The following PITRM1 variants were observed in gnomAD, a reference collection of about 807,000 sequenced individuals.
PITRM1 encodes pitrilysin metallopeptidase 1.
PITRM1 carries 100 observed loss-of-function variants against 129.9 expected under a neutral mutation model. That is an observed-to-expected ratio of 0.77 (90% CI 0.65 to 0.91). The LOEUF (loss-of-function observed/expected upper bound fraction) is 0.91. Among genes scored for constraint, PITRM1 ranks in the 40% least tolerant of loss-of-function variants. The pLI is 0.00. For synonymous variants in PITRM1, 591 were observed against 508.8 expected, an observed-to-expected ratio of 1.16 and a Z score of -2.17; for missense variants, 1,471 against 1,318.3, an observed-to-expected ratio of 1.12 and a Z score of -1.79.
Position 3,151,329 on chromosome 10 carries a change from T to C in PITRM1, c.1656A>G (p.Gln552=), listed in dbSNP as rs754487987. The part of the protein sequence containing the change: ...LELRSQQSKP[Q]DASCLPALKV... ...TCAACGCTGGCAGACAAGAGGCATC[T>C]TGAGGTTTGCTTTGTTGACTCCGTA... Residue 552 remains glutamine (Q), a synonymous_variant, in exon 15 of 27, where the codon CAA becomes CAG. Transcript: ENST00000224949. 2 of 1,610,784 alleles carry C rather than the reference T, an allele frequency of 1.2e-6. No individual in the cohort carries two copies. Among genetic ancestry groups the C allele is most frequent in the Non-Finnish European group, 1.7e-6 (2 of 1,178,442 alleles).
intron 2 of PITRM1, 76 bp downstream of exon 2, chr10:3,170,028 G>A: frequency 9.2e-7 from 1 of 1,089,114 alleles, no homozygotes. Context: ...CCGCCCTGAA[G>A]GGCTCCGTAC....
intron 2 of PITRM1, among the ~76,000 whole-genome samples, chr10:3,168,708 C>T (rs1002698311): frequency 2.6e-5 from 4 of 152,196 alleles, no homozygotes; most frequent in Admixed American, 6.5e-5. Context: ...TGAAGAGATG[C>T]CTTCCACCAC....
chr10:3,142,436 G>C (rs1430641363), intron 23 of PITRM1, among the ~76,000 whole-genome samples: 1 of 152,222 alleles, frequency 6.6e-6, no homozygotes, highest in Non-Finnish European at 1.5e-5. Context: ...AGTCCCTCAT[G>C]GGGGTAGCTG....
At chr10:3,161,143 T>A (rs1014113867) in intron 7 of PITRM1, among the ~76,000 whole-genome samples, 1 of 152,186 alleles carries the variant, frequency 6.6e-6, no homozygotes. Context: ...CCTCCCATCT[T>A]GGCCTCCGTA....
chr10:3,155,769 A>G (rs1235616170), intron 13 of PITRM1, 40 bp from the exon 14 acceptor site: 1 of 1,609,310 alleles, frequency 6.2e-7, no homozygotes, highest in African/African-American at 1.3e-5. Flanking sequence ...AAGTGAAAAC[A>G]AGATCTTACT....
chr10:3,167,224 G>A (rs1588719374), intron 2 of PITRM1, among the ~76,000 whole-genome samples, 182 bp from the exon 3 acceptor site: 4 of 151,658 alleles, frequency 2.6e-5, no homozygotes, highest in Admixed American at 6.6e-5. Flanking sequence ...TACAAACAAG[G>A]AAAGACAGAC....
chr10:3,153,094 T>G (rs920301283), intron 14 of PITRM1, among the ~76,000 whole-genome samples: 1 of 152,230 alleles, frequency 6.6e-6, no homozygotes, highest in Admixed American at 6.5e-5. Flanking sequence ...CATGCACACT[T>G]GAAGACTTAC....
At chr10:3,164,695 TGAGAC>T (rs1185747769) in intron 6 of PITRM1, among the ~76,000 whole-genome samples, 2 of 152,236 alleles carry the variant, frequency 1.3e-5, no homozygotes, top group Non-Finnish European at 2.9e-5. Flanking sequence ...AAATTAAAGC[TGAGAC>T]ATTTAAAAAA....
rs1266993541 is a variant in PITRM1 at position 3,159,889 on chromosome 10, G to C, written c.966C>G (p.Pro322=). 6.2e-7 allele frequency: 1 copy of C among 1,605,984 alleles called. No homozygotes were observed. Among genetic ancestry groups the C allele is most frequent in the South Asian group, 1.1e-5 (1 of 89,084 alleles). Residue 322 remains proline, a synonymous_variant, in exon 9 of 27, where the codon CCC becomes CCG. Transcript: ENST00000224949. ...TAACGCTGATGGTTGTTTGTTTAGA[G>C]GGATCTGTAGCAAATGAATCCGGGC... is the stretch of plus-strand genomic sequence containing the variant. ...TCGPDSFATD[P]SKQTTISVSF... is the part of the protein sequence containing the mutation.
At position 3,166,375 on chromosome 10, in the gene PITRM1, T is replaced by TGCACACTAGGGAAGAGAGAGGAATG. The variant is rs1554801891; in HGVS notation, c.271_272insCATTCCTCTCTCTTCCCTAGTGTGC (p.Gln91ProfsTer7). The TGCACACTAGGGAAGAGAGAGGAATG allele has an allele frequency of 4.2e-6, 6 of 1,413,888 alleles. No individual in the cohort carries two copies. Among genetic ancestry groups the TGCACACTAGGGAAGAGAGAGGAATG allele is most frequent in the South Asian group, 2.4e-5 (2 of 84,926 alleles). 87.6% of individuals were successfully genotyped at this position (1,413,888 alleles called of 1,614,324 possible). ...ACTGTCCATGGGAGTAGTACGGAAC[T>TGCACACTAGGGAAGAGAGAGGAATG]GCACGCTAGGGAAGGAGAATGACCA... is the stretch of plus-strand genomic sequence containing the variant. On this transcript the variant is annotated stop_gained and frameshift_variant, in exon 4 of 27. Coordinates refer to ENST00000224949, the MANE Select transcript of PITRM1 (RefSeq NM_014889.4). LOFTEE classifies it high-confidence loss of function.
intron 9 of PITRM1, 65 bp downstream of exon 9, chr10:3,159,783 A>G (rs1588694724): frequency 1.6e-5 from 15 of 944,530 alleles, no homozygotes; most frequent in Non-Finnish European, 2.0e-5. Context: ...TCACTTCCGA[A>G]CCTTCTAATA....
At chr10:3,151,917 TA>T (rs1166292629) in intron 14 of PITRM1, among the ~76,000 whole-genome samples, 6 of 152,006 alleles carry the variant, frequency 3.9e-5, no homozygotes, top group African/African-American at 1.5e-4. Flanking sequence ...TGTTTATTTT[TA>T]TTTTTTTTTT....
intron 26 of PITRM1, 31 bp downstream of exon 26, chr10:3,138,204 C>A: frequency 6.3e-7 from 1 of 1,594,762 alleles, no homozygotes; most frequent in Non-Finnish European, 8.6e-7. Context: ...GCTTCCAGTC[C>A]CAGACGCTGT....
In PITRM1 at chr10:3,138,496, A is replaced by C. The variant is rs2131795397; in HGVS notation, c.2918-159T>G. The C allele has an allele frequency of 4.6e-6, 3 of 649,530 alleles. No homozygotes were observed. In the South Asian group the frequency reaches 5.3e-5, roughly 11 times the overall value. 40.2% of individuals were successfully genotyped at this position (649,530 alleles called of 1,614,324 possible). A position where few individuals can be genotyped will look rare whatever the true frequency, so the allele number is the denominator to read the frequency against. ...CTAACAACCCAGAGATCACACCCCG[A>C]CCTCCAGCTCCCACGTGCCACGCTG... On this transcript the variant is annotated intron_variant, in intron 25 of 26. Coordinates refer to ENST00000224949, the MANE Select transcript of PITRM1 (RefSeq NM_014889.4).
chr10:3,158,235 G>C, intron 10 of PITRM1, 82 bp from the exon 11 acceptor site: 1 of 792,370 alleles, frequency 1.3e-6, no homozygotes, highest in South Asian at 1.5e-5. Flanking sequence ...TTAAAGATCA[G>C]AACGAAGCGC....
intron 13 of PITRM1, among the ~76,000 whole-genome samples, chr10:3,156,501 T>C (rs949433644): frequency 2.6e-5 from 4 of 152,300 alleles, no homozygotes; most frequent in Middle Eastern, 3.4e-3. Flanking sequence ...AGTTCTACCA[T>C]AGTAATGAGT....
chr10:3,169,330 C>T (rs190729892), intron 2 of PITRM1, among the ~76,000 whole-genome samples: 1 of 152,272 alleles, frequency 6.6e-6, no homozygotes, highest in Admixed American at 6.5e-5. Context: ...CCGAAGGCAG[C>T]CACGTTCTCA....
chr10:3,147,854 C>A, intron 18 of PITRM1, 117 bp from the exon 19 acceptor site: 1 of 1,170,000 alleles, frequency 8.5e-7, no homozygotes, highest in African/African-American at 1.5e-5. Context: ...TTTTATAAGT[C>A]CATATGAACT....
chr10:3,160,474 G>A (rs1842353868), intron 7 of PITRM1, 144 bp from the exon 8 acceptor site: 2 of 642,132 alleles, frequency 3.1e-6, no homozygotes, highest in African/African-American at 3.7e-5. Flanking sequence ...ACTCAACCAA[G>A]GTCCAAAAAT....
Sources: allele counts gnomAD v4.1 joint callset (sites outside exome capture counted in the v4.1 genomes callset), GRCh38; gene constraint gnomAD v4.1.1; transcripts MANE v1.5; gene names NCBI Gene and HGNC (gene_info 2026-07-23, HGNC 2026-07-21).